RFTN1: variants seen among roughly 807,000 people sequenced by gnomAD.
RFTN1 encodes the protein raftlin.
Under a neutral mutation model 46.5 loss-of-function variants are expected in RFTN1, and 26 were observed. The ratio of observed to expected loss-of-function variants is 0.56; its 90% CI spans 0.41 to 0.78. RFTN1 has a LOEUF of 0.78. Among genes scored for constraint, RFTN1 ranks in the 30% least tolerant of loss-of-function variants. RFTN1 has a pLI of 0.00. For missense variants in RFTN1, 693 were observed against 718.7 expected, an observed-to-expected ratio of 0.96 and a Z score of 0.41; for synonymous variants, 261 against 284.2, an observed-to-expected ratio of 0.92 and a Z score of 0.82.
rs1161839448 is a variant in RFTN1 at position 16,509,258 on chromosome 3, T to G, written c.-9+4184A>C. Among the ~76,000 whole-genome samples the G allele has an allele frequency of 6.6e-6, 1 of 152,220 alleles. No homozygotes were observed. Among genetic ancestry groups the G allele is most frequent in the Non-Finnish European group, 1.5e-5 (1 of 68,028 alleles). Reference sequence around the variant, plus strand: ...CAGTGTATCATTTCCTGTAACGCTGTTCTGATTATCTAATTTACATTTCTA... The same window carrying G: ...CAGTGTATCATTTCCTGTAACGCTGGTCTGATTATCTAATTTACATTTCTA... On this transcript the variant is annotated intron_variant, in intron 1 of 9. Transcript: ENST00000334133. The surrounding 1 kb of genome is among the most constrained non-coding windows in gnomAD (Gnocchi z 4.9).
chr3:16,436,077 GA>G (rs11291166), intron 2 of RFTN1, among the ~76,000 whole-genome samples: 40,903 of 149,294 alleles, frequency 0.27, 5,752 homozygotes, highest in African/African-American at 0.29. Flanking sequence ...ATTCTCAGTG[GA>G]AAAAAAAAGA....
Position 16,357,982 on chromosome 3 carries a change from T to G in RFTN1, c.1096A>C (p.Thr366Pro). 6.2e-7 allele frequency: 1 copy of G among 1,613,632 alleles called. No individual in the cohort carries two copies. The highest frequency in any genetic ancestry group is 8.5e-7 in the Non-Finnish European group (1 of 1,179,726). ...ACAATAGCATCATAGCCCTGTATGGTTTTGCTATCTTCTGTGGAAACAGCT... is the reference window on the plus strand; with the variant it reads ...ACAATAGCATCATAGCCCTGTATGGGTTTGCTATCTTCTGTGGAAACAGCT... ...FEAVSTEDSK[T>P]IQGYDAIVVE... Residue 366 changes from threonine (T) to proline (P), a missense_variant, in exon 7 of 10, where the codon ACC becomes CCC. By Grantham distance (38) the Thr-to-Pro change is conservative. Transcript: ENST00000334133.
intron 6 of RFTN1, among the ~76,000 whole-genome samples, chr3:16,358,442 T>C (rs1322545784): frequency 6.7e-6 from 1 of 148,516 alleles, no homozygotes; most frequent in Admixed American, 6.8e-5. Context: ...TTTTTTTTTC[T>C]TTTTTCTTTT....
chr3:16,458,849 G>A lies in RFTN1; in HGVS notation c.146-24812C>T, dbSNP rs2075959805. ...CATCTGTTTTTCTAGCAGATTAGAA[G>A]TACAAAAATCAGGGGAGTCATCTGA... On this transcript the variant is annotated intron_variant, in intron 2 of 9. Coordinates refer to ENST00000334133, the MANE Select transcript of RFTN1 (RefSeq NM_015150.2). The surrounding 1 kb of genome is among the most constrained non-coding windows in gnomAD (Gnocchi z 5.1). Among the ~76,000 whole-genome samples the A allele has an allele frequency of 6.6e-6, 1 of 152,168 alleles. No individual in the cohort carries two copies. Among genetic ancestry groups the A allele is most frequent in the South Asian group, 2.1e-4 (1 of 4,828 alleles).
Position 16,433,898 on chromosome 3 carries a change from C to T in RFTN1, c.285G>A (p.Thr95=), listed in dbSNP as rs142669277. The part of the protein sequence containing the change: ...FVQPTHEREK[T]PLEHIFRAIL... ...TGGCTCTAAAGATGTGCTCCAGGGG[C>T]GTCTTCTCCCGCTCATGGGTGGGCT... is the stretch of plus-strand genomic sequence containing the variant. Residue 95 remains threonine (T), a synonymous_variant, in exon 3 of 10, where the codon ACG becomes ACA. Transcript: ENST00000334133. The surrounding 1 kb of genome is among the most constrained non-coding windows in gnomAD (Gnocchi z 4.4). 50 of 1,614,056 alleles carry T rather than the reference C, an allele frequency of 3.1e-5. No individual in the cohort carries two copies. The highest frequency in any genetic ancestry group is 2.2e-5 in the East Asian group (1 of 44,892).
chr3:16,375,774 G>A (rs1306125146), intron 5 of RFTN1, among the ~76,000 whole-genome samples: 1 of 152,114 alleles, frequency 6.6e-6, no homozygotes, highest in Non-Finnish European at 1.5e-5. Context: ...TCATCCACTG[G>A]TGGGCTGACC....
chr3:16,351,737 A>T lies in RFTN1; in HGVS notation c.1146+6195T>A, dbSNP rs2072117183. Among the ~76,000 whole-genome samples the T allele has an allele frequency of 6.6e-6, 1 of 152,236 alleles. No homozygotes were observed. The highest frequency in any genetic ancestry group is 2.4e-5 in the African/African-American group (1 of 41,472). ...CATGTCTTAATTTAAATGATTTAAA[A>T]GCATATAAACTATAAGTGCAAAAAC... On this transcript the variant is annotated intron_variant, in intron 7 of 9. Coordinates refer to ENST00000334133, the MANE Select transcript of RFTN1 (RefSeq NM_015150.2). The surrounding 1 kb of genome is among the most constrained non-coding windows in gnomAD (Gnocchi z 5.4).
At chr3:16,430,630 G>A (rs936849594) in intron 3 of RFTN1, among the ~76,000 whole-genome samples, 52 of 152,240 alleles carry the variant, frequency 3.4e-4, no homozygotes, top group African/African-American at 1.2e-3. Context: ...CATTTTACAT[G>A]ATAAATTATC....
rs1443989059 is a variant in RFTN1, at chr3:16,356,785, C to T, written c.1146+1147G>A. On this transcript the variant is annotated intron_variant, in intron 7 of 9. Coordinates refer to ENST00000334133, the MANE Select transcript of RFTN1 (RefSeq NM_015150.2). This position sits in a 1 kb window ranked among gnomAD's most constrained non-coding sequence, Gnocchi z 4.9. ...TTGGCAGAGGCCCTCCCAGCAATGCCAATCCTGTGTTCTTCCAAAGCATTC... is the reference window on the plus strand; with the variant it reads ...TTGGCAGAGGCCCTCCCAGCAATGCTAATCCTGTGTTCTTCCAAAGCATTC... 6.6e-6 allele frequency among the ~76,000 whole-genome samples: 1 copy of T among 152,200 alleles called. No individual in the cohort carries two copies. The highest frequency in any genetic ancestry group is 1.5e-5 in the Non-Finnish European group (1 of 68,036).
chr3:16,390,034 T>A (rs1340122157), intron 4 of RFTN1, among the ~76,000 whole-genome samples: 8 of 152,170 alleles, frequency 5.3e-5, no homozygotes, highest in Non-Finnish European at 5.9e-5. Context: ...GAGTGTGCCA[T>A]CTTGAAAGTA....
rs1180185226 is a variant in RFTN1 at position 16,370,986 on chromosome 3, C to T, written c.827-707G>A. The T allele has an allele frequency of 3.9e-5, 6 of 152,316 alleles. No individual in the cohort carries two copies. The East Asian group carries it at 1.2e-3, about 29-fold the overall frequency. 9.4% of individuals were successfully genotyped at this position (152,316 alleles called of 1,614,324 possible). ...AATCACTGCCACCCAGCAGCTGAGC[C>T]GCAACTGCCTACGTGCAGCTGGGCG... On this transcript the variant is annotated intron_variant, in intron 5 of 9. Coordinates refer to ENST00000334133, the MANE Select transcript of RFTN1 (RefSeq NM_015150.2). The surrounding 1 kb of genome is among the most constrained non-coding windows in gnomAD (Gnocchi z 5.5).
intron 6 of RFTN1, among the ~76,000 whole-genome samples, chr3:16,365,530 C>T (rs561514605): frequency 1.5e-5 from 2 of 134,216 alleles, no homozygotes; most frequent in South Asian, 3.0e-4. Flanking sequence ...TGCTAGGTGT[C>T]AAAAAAAGGT....
At chr3:16,456,100 T>C (rs1446224885) in intron 2 of RFTN1, among the ~76,000 whole-genome samples, 1 of 151,840 alleles carries the variant, frequency 6.6e-6, no homozygotes, top group African/African-American at 2.4e-5. Context: ...AAACTTTACA[T>C]TGTAATGTAA....
rs762292744 is a variant in RFTN1 at position 16,493,917 on chromosome 3, C to T, written c.-8-40G>A. The T allele has an allele frequency of 5.0e-6, 8 of 1,610,836 alleles. No individual in the cohort carries two copies. In the Admixed American group the frequency reaches 1.2e-4, roughly 24 times the overall value. On this transcript the variant is annotated intron_variant, in intron 1 of 9. Transcript: ENST00000334133. The stretch of plus-strand genomic sequence containing the variant: ...AAAAAGGCGGGGAGGTGATTTTTTT[C>T]TGAGATTTTGTCTTTAAACACCCTA...
chr3:16,445,970 A>G (rs2075721568), intron 2 of RFTN1, among the ~76,000 whole-genome samples: 1 of 151,776 alleles, frequency 6.6e-6, no homozygotes, highest in South Asian at 2.1e-4. Context: ...CCACTGGGCC[A>G]GAACCCATGC....
chr3:16,490,351 G>A (rs377176099), intron 2 of RFTN1, among the ~76,000 whole-genome samples: 330 of 152,308 alleles, frequency 2.2e-3, no homozygotes, highest in African/African-American at 7.4e-3. Flanking sequence ...AGAGGTAGGG[G>A]CCTGTGCAGA....
In RFTN1 at chr3:16,424,194, A is replaced by G. The variant is rs1289716310; in HGVS notation, c.332+9657T>C. Among the ~76,000 whole-genome samples, 1 of 152,204 alleles carries G rather than the reference A, an allele frequency of 6.6e-6. No individual in the cohort carries two copies. Among genetic ancestry groups the G allele is most frequent in the African/African-American group, 2.4e-5 (1 of 41,458 alleles). On this transcript the variant is annotated intron_variant, in intron 3 of 9. Coordinates refer to ENST00000334133, the MANE Select transcript of RFTN1 (RefSeq NM_015150.2). This position sits in a 1 kb window ranked among gnomAD's most constrained non-coding sequence, Gnocchi z 4.7. The stretch of plus-strand genomic sequence containing the variant: ...TATAAGCTCTGGGGCCTCTGAGTTG[A>G]AAGATGATGTATTTCTGTGCCATGA...
rs2074222998 is a variant in RFTN1 at position 16,387,570 on chromosome 3, T to TCTCTCTCTCTCTCTCTCTCTC, written c.442-9469_442-9468insGAGAGAGAGAGAGAGAGAGAG. ...CACTTCTCTCTTCTATATCCTCAAT[T>TCTCTCTCTCTCTCTCTCTCTC]TCTCTCTCTCTCTCTCTCTCTCTCT... is the stretch of plus-strand genomic sequence containing the variant. On this transcript the variant is annotated intron_variant, in intron 4 of 9. Transcript: ENST00000334133. The surrounding 1 kb of genome is among the most constrained non-coding windows in gnomAD (Gnocchi z 5.2). Among the ~76,000 whole-genome samples, 3 of 116,416 alleles carry TCTCTCTCTCTCTCTCTCTCTC rather than the reference T, an allele frequency of 2.6e-5. No individual in the cohort carries two copies. Among genetic ancestry groups the TCTCTCTCTCTCTCTCTCTCTC allele is most frequent in the Admixed American group, 8.5e-5 (1 of 11,810 alleles). 76.4% of individuals were successfully genotyped at this position (116,416 alleles called of 152,430 possible).
intron 5 of RFTN1, among the ~76,000 whole-genome samples, chr3:16,377,184 A>G (rs112802952): frequency 8.8e-4 from 134 of 152,176 alleles, no homozygotes; most frequent in Middle Eastern, 3.4e-3. Flanking sequence ...TTGTTAGTCT[A>G]TCACACAGGA....
Sources: allele counts gnomAD v4.1 joint callset (sites outside exome capture counted in the v4.1 genomes callset), GRCh38; gene constraint gnomAD v4.1.1; non-coding constraint Gnocchi (gnomAD v3.1); transcripts MANE v1.5; gene names NCBI Gene and HGNC (gene_info 2026-07-23, HGNC 2026-07-21).